IFT81: variants seen among roughly 807,000 people sequenced by gnomAD.
The protein encoded by IFT81 is intraflagellar transport 81.
IFT81 carries 72 observed loss-of-function variants against 102.6 expected under a neutral mutation model. That is an observed-to-expected ratio of 0.70 (90% confidence interval 0.58 to 0.85). The LOEUF is 0.85. Among genes scored for constraint, IFT81 ranks in the 40% least tolerant of loss-of-function variants. The pLI, the probability that IFT81 is intolerant of heterozygous loss-of-function variation, is 0.00. For synonymous variants in IFT81, 237 were observed against 242.7 expected, an observed-to-expected ratio of 0.98 and a Z score of 0.22; for missense variants, 723 against 787.3, an observed-to-expected ratio of 0.92 and a Z score of 0.98.
intron 10 of IFT81, among the ~76,000 whole-genome samples, chr12:110,156,427 C>A (rs1895841534): frequency 6.6e-6 from 1 of 150,826 alleles, no homozygotes; most frequent in Admixed American, 6.6e-5. Flanking sequence ...CTAGTTGTAA[C>A]AAACTCCCTT....
At chr12:110,140,684 T>C (rs1344568782) in intron 8 of IFT81, among the ~76,000 whole-genome samples, 2 of 152,174 alleles carry the variant, frequency 1.3e-5, no homozygotes, top group Non-Finnish European at 2.9e-5. Flanking sequence ...AATGACTGAC[T>C]AATTACAGTG....
At chr12:110,197,578 A>G (rs1472998922) in intron 14 of IFT81, among the ~76,000 whole-genome samples, 2 of 145,366 alleles carry the variant, frequency 1.4e-5, no homozygotes, top group African/African-American at 2.5e-5. Context: ...ATATATATAT[A>G]TATATACCTC....
intron 8 of IFT81, among the ~76,000 whole-genome samples, chr12:110,138,820 TG>T (rs1403709595): frequency 6.6e-6 from 1 of 152,214 alleles, no homozygotes; most frequent in East Asian, 1.9e-4. Context: ...ATCAGTGAGA[TG>T]TTTTCAAAGG....
At position 110,129,078 on chromosome 12, in the gene IFT81, A is replaced by G. The variant is rs1253122288; in HGVS notation, c.377A>G (p.Glu126Gly). 1 of 1,607,096 alleles carries G rather than the reference A, an allele frequency of 6.2e-7. No homozygotes were observed. Among genetic ancestry groups the G allele is most frequent in the African/African-American group, 1.3e-5 (1 of 74,424 alleles). Reference sequence around the variant, plus strand: ...TTAGCTCGTTTTTTAATAAAACTTGAGGTACCAAGTGAGTTTCTTCAGGAT... The same window carrying G: ...TTAGCTCGTTTTTTAATAAAACTTGGGGTACCAAGTGAGTTTCTTCAGGAT... Reference protein sequence around the residue: ...AYLARFLIKLEVPSEFLQDET... With the variant: ...AYLARFLIKLGVPSEFLQDET... Residue 126 changes from glutamate (E) to glycine (G), a missense_variant, in exon 4 of 19, where the codon GAG becomes GGG. Coordinates refer to ENST00000242591, the MANE Select transcript of IFT81 (RefSeq NM_014055.4).
At chr12:110,129,588 C>G (rs1894045158) in intron 4 of IFT81, among the ~76,000 whole-genome samples, 1 of 152,042 alleles carries the variant, frequency 6.6e-6, no homozygotes, top group Non-Finnish European at 1.5e-5. Context: ...GGCAAAGAAC[C>G]TAGGCTTGCA....
chr12:110,184,367 A>T (rs1593349132), intron 12 of IFT81, among the ~76,000 whole-genome samples: 1 of 152,188 alleles, frequency 6.6e-6, no homozygotes, highest in South Asian at 2.1e-4. Flanking sequence ...ATAAATAAAT[A>T]AATTACAAAT....
intron 5 of IFT81, among the ~76,000 whole-genome samples, chr12:110,133,900 G>A (rs1468621334): frequency 1.3e-5 from 2 of 152,290 alleles, no homozygotes; most frequent in East Asian, 1.9e-4. Flanking sequence ...GATGTAACTT[G>A]CATTAATGAG....
intron 12 of IFT81, among the ~76,000 whole-genome samples, chr12:110,190,384 A>G (rs1419875352): frequency 6.6e-6 from 1 of 152,202 alleles, no homozygotes; most frequent in Non-Finnish European, 1.5e-5. Context: ...TCATCTTCTC[A>G]GGATCATCTT....
intron 11 of IFT81, among the ~76,000 whole-genome samples, chr12:110,179,558 C>CA (rs1222735132): frequency 2.7e-5 from 4 of 150,540 alleles, no homozygotes; most frequent in African/African-American, 4.9e-5. Flanking sequence ...CCCATCTTTA[C>CA]AAAAAATGCA....
chr12:110,127,941 C>G (rs1006784245), intron 2 of IFT81, 105 bp from the exon 3 acceptor site: 12 of 753,666 alleles, frequency 1.6e-5, no homozygotes, highest in Non-Finnish European at 2.7e-5. Flanking sequence ...TATGAAGAGA[C>G]CATTGTGCTG....
Position 110,143,429 on chromosome 12 carries a change from G to A in IFT81, c.829G>A (p.Val277Ile), listed in dbSNP as rs749119106. 4 of 1,500,084 alleles carry A rather than the reference G, an allele frequency of 2.7e-6. No homozygotes were observed. The South Asian group carries it at 5.3e-5, about 20-fold the overall frequency. 92.9% of individuals were successfully genotyped at this position (1,500,084 alleles called of 1,614,324 possible). A position where few individuals can be genotyped will look rare whatever the true frequency, so the allele number is the denominator to read the frequency against. Residue 277 changes from valine (V) to isoleucine (I), a missense_variant, in exon 9 of 19, where the codon GTA becomes ATA. Physicochemically the swap from Val to Ile is conservative, Grantham distance 29. Coordinates refer to ENST00000242591, the MANE Select transcript of IFT81 (RefSeq NM_014055.4). ...EEEIKFNLYMVTEKFPKELEN... is the reference protein window; with the variant it reads ...EEEIKFNLYMITEKFPKELEN... Reference sequence around the variant, plus strand: ...GGAGATAAAATTTAATTTATATATGGTAACTGAAAAATTTCCTAAAGAATT... The same window carrying A: ...GGAGATAAAATTTAATTTATATATGATAACTGAAAAATTTCCTAAAGAATT...
In IFT81 at chr12:110,134,190, A is replaced by G. The variant is rs1208442555; in HGVS notation, c.520-758A>G. ...TAGTTTTGTATTTTTAGTAGAGACA[A>G]AATTTCAACATGTTGGCCAGGCTAT... On this transcript the variant is annotated intron_variant, in intron 5 of 18. Coordinates refer to ENST00000242591, the MANE Select transcript of IFT81 (RefSeq NM_014055.4). 8.5e-5 allele frequency among the ~76,000 whole-genome samples: 13 copies of G among 152,110 alleles called. No individual in the cohort carries two copies. The East Asian group carries it at 2.5e-3, about 29-fold the overall frequency.
In IFT81 at chr12:110,191,062, T is replaced by C. The variant is rs749956868; in HGVS notation, c.1467+14T>C. 6.3e-7 allele frequency: 1 copy of C among 1,588,954 alleles called. No homozygotes were observed. The highest frequency in any genetic ancestry group is 1.8e-5 in the Admixed American group (1 of 54,184). On this transcript the variant is annotated intron_variant, in intron 13 of 18. Transcript: ENST00000242591. ...ATGTCTGAAATGGTGATGATACTTTTATTTAAATTTTCTTTTATTGTGTAG... is the reference window on the plus strand; with the variant it reads ...ATGTCTGAAATGGTGATGATACTTTCATTTAAATTTTCTTTTATTGTGTAG...
At chr12:110,147,222 T>C (rs1435355461) in intron 10 of IFT81, among the ~76,000 whole-genome samples, 174 bp downstream of exon 10, 2 of 152,224 alleles carry the variant, frequency 1.3e-5, no homozygotes, top group African/African-American at 2.4e-5. Flanking sequence ...AAGATGCTTA[T>C]TCAAGTTTGA....
intron 14 of IFT81, among the ~76,000 whole-genome samples, chr12:110,200,389 G>A (rs919686465): frequency 6.6e-6 from 1 of 151,712 alleles, no homozygotes; most frequent in African/African-American, 2.4e-5. Context: ...AAGTATTTGT[G>A]TATCTACACC....
intron 12 of IFT81, among the ~76,000 whole-genome samples, chr12:110,186,020 C>A (rs1412039098): frequency 1.3e-5 from 2 of 152,154 alleles, no homozygotes; most frequent in Non-Finnish European, 1.5e-5. Context: ...TGGTATCTGT[C>A]TAATGAGCTC....
At chr12:110,210,275 T>A (rs1357750988) in intron 18 of IFT81, among the ~76,000 whole-genome samples, 1 of 152,220 alleles carries the variant, frequency 6.6e-6, no homozygotes, top group Non-Finnish European at 1.5e-5. Flanking sequence ...TTCCTCATAT[T>A]TAAACTGAAG....
At chr12:110,167,862 TTTC>T in intron 11 of IFT81, 5 of 298,130 alleles carry the variant, frequency 1.7e-5, no homozygotes, top group East Asian at 1.2e-4. Context: ...TTTTTTTTTT[TTTC>T]CCCAGAGACA....
At chr12:110,203,731 G>T in intron 14 of IFT81, 133 bp from the exon 15 acceptor site, 1 of 669,518 alleles carries the variant, frequency 1.5e-6, no homozygotes. Context: ...TCTGGTTGTT[G>T]CATAAATAAC....
Sources: gnomAD v4.1 joint callset for allele counts (sites outside exome capture counted in the v4.1 genomes callset) on GRCh38, gnomAD v4.1.1 for gene constraint, MANE v1.5 for transcripts, NCBI Gene and HGNC (gene_info 2026-07-23, HGNC 2026-07-21) for gene names.